GPATCH2: variants seen among roughly 807,000 people sequenced by gnomAD.
GPATCH2 encodes the protein G-patch domain containing 2, also known as G patch domain-containing protein 2.
In GPATCH2, 51 loss-of-function variants were observed where a neutral mutation model predicts 58.0. That is an observed-to-expected ratio of 0.88 (90% confidence interval 0.70 to 1.11). The LOEUF (loss-of-function observed/expected upper bound fraction) is 1.11. Ranked by LOEUF, GPATCH2 falls within the 50% of genes most tolerant of loss-of-function variation. The pLI, the probability that GPATCH2 is intolerant of heterozygous loss-of-function variation, is 0.00. For missense variants in GPATCH2, 625 were observed against 652.2 expected (o/e 0.96, Z 0.45); for synonymous variants, 222 against 218.5 (o/e 1.02, Z -0.14).
intron 1 of GPATCH2, among the ~76,000 whole-genome samples, chr1:217,626,708 G>A (rs189286927): frequency 6.6e-6 from 1 of 152,214 alleles, no homozygotes; most frequent in African/African-American, 2.4e-5. Context: ...AAGAGACTAT[G>A]TCTTCAATTT....
Position 217,619,901 on chromosome 1 carries a change from G to A in GPATCH2, c.655C>T (p.Gln219Ter). The A allele has an allele frequency of 6.2e-7, 1 of 1,613,604 alleles. No individual in the cohort carries two copies. The highest frequency in any genetic ancestry group is 8.5e-7 in the Non-Finnish European group (1 of 1,179,702). Residue 219 changes from glutamine to a stop codon, truncating the protein, a stop_gained, in exon 2 of 10, where the codon CAA (glutamine) becomes TAA (stop). Coordinates refer to ENST00000366935, the MANE Select transcript of GPATCH2 (RefSeq NM_018040.5). LOFTEE classifies it high-confidence loss of function. The part of the protein sequence containing the change: ...VKKRKLKIIR[Q>*]GPKIQDEGVV... The stretch of plus-strand genomic sequence containing the variant: ...CCTTCATCTTGGATTTTTGGTCCTT[G>A]TCTGATTATTTTCAACTTTCTTTTT...
chr1:217,608,758 A>C (rs1668481143), intron 5 of GPATCH2: 2 of 982,498 alleles, frequency 2.0e-6, no homozygotes, highest in South Asian at 9.4e-5. Context: ...TCAGAAAAAA[A>C]ACATGAATTT....
At chr1:217,548,145 A>T (rs1665158006) in intron 5 of GPATCH2, among the ~76,000 whole-genome samples, 2 of 152,202 alleles carry the variant, frequency 1.3e-5, no homozygotes, top group African/African-American at 2.4e-5. Context: ...ACGGACTAAT[A>T]CGCTAATATA....
intron 5 of GPATCH2, among the ~76,000 whole-genome samples, chr1:217,594,404 T>C (rs1458286911): frequency 6.6e-6 from 1 of 152,114 alleles, no homozygotes; most frequent in Admixed American, 6.5e-5. Flanking sequence ...CAAAATCAAA[T>C]TCCAACTTTT....
chr1:217,622,566 C>T (rs58479909), intron 1 of GPATCH2, among the ~76,000 whole-genome samples: 5,450 of 152,204 alleles, frequency 0.036, 323 homozygotes, highest in African/African-American at 0.12. Context: ...TTGTTTGAGA[C>T]GGAGTCTCGC....
chr1:217,450,059 T>G (rs890159738), intron 8 of GPATCH2, among the ~76,000 whole-genome samples: 1 of 152,090 alleles, frequency 6.6e-6, no homozygotes, highest in South Asian at 2.1e-4. Context: ...TGAAAAGTTA[T>G]ATAAAAAAAT....
Position 217,620,329 on chromosome 1 carries a change from T to C in GPATCH2, c.227A>G (p.Tyr76Cys), listed in dbSNP as rs1295826293. 2 of 1,614,108 alleles carry C rather than the reference T, an allele frequency of 1.2e-6. No individual in the cohort carries two copies. Among genetic ancestry groups the C allele is most frequent in the African/African-American group, 1.3e-5 (1 of 75,036 alleles). ...AGTCTCCCACGGGTGATGCACATTA[T>C]ACGACCTCCGTTTTCTCCCTCTCCT... is the stretch of plus-strand genomic sequence containing the variant. ...RKRRGRKRRS[Y>C]NVHHPWETGH... Residue 76 changes from tyrosine to cysteine, a missense_variant, in exon 2 of 10, where the codon TAT becomes TGT. Transcript: ENST00000366935.
chr1:217,518,152 AATTG>A (rs1663265449), intron 5 of GPATCH2, among the ~76,000 whole-genome samples: 1 of 152,176 alleles, frequency 6.6e-6, no homozygotes, highest in Non-Finnish European at 1.5e-5. Flanking sequence ...GTTAGAAAGG[AATTG>A]ATGCTTTCTA....
At chr1:217,577,975 A>G (rs1360132028) in intron 5 of GPATCH2, among the ~76,000 whole-genome samples, 1 of 151,006 alleles carries the variant, frequency 6.6e-6, no homozygotes, top group Non-Finnish European at 1.5e-5. Flanking sequence ...TCGAACTCCC[A>G]ACCTCAGGTG....
intron 2 of GPATCH2, among the ~76,000 whole-genome samples, chr1:217,618,201 T>C (rs2102833894): frequency 6.6e-6 from 1 of 151,294 alleles, no homozygotes; most frequent in Middle Eastern, 3.4e-3. Flanking sequence ...TACCATAAAC[T>C]TTTCAAAGCC....
At chr1:217,549,353 A>G (rs1340741996) in intron 5 of GPATCH2, among the ~76,000 whole-genome samples, 1 of 152,192 alleles carries the variant, frequency 6.6e-6, no homozygotes, top group Admixed American at 6.5e-5. Flanking sequence ...TATATCTGTT[A>G]TGTCAGGATT....
chr1:217,457,766 T>A (rs1174319315), intron 8 of GPATCH2, among the ~76,000 whole-genome samples: 1 of 152,210 alleles, frequency 6.6e-6, no homozygotes, highest in Non-Finnish European at 1.5e-5. Flanking sequence ...TGTCCATTTC[T>A]GCTTGCTTTA....
rs571786543 is a variant in GPATCH2 at position 217,466,861 on chromosome 1, G to A, written c.1278-17524C>T. Among the ~76,000 whole-genome samples, 7 of 131,024 alleles carry A rather than the reference G, an allele frequency of 5.3e-5. No individual in the cohort carries two copies. In the East Asian group the frequency reaches 1.4e-3, roughly 25 times the overall value. 86.0% of individuals were successfully genotyped at this position (131,024 alleles called of 152,430 possible). Reference sequence around the variant, plus strand: ...GAGATGTTTGCTTCTCTTAAAAACAGGGAAACAAAAGCCAATGAAAGGATA... The same window carrying A: ...GAGATGTTTGCTTCTCTTAAAAACAAGGAAACAAAAGCCAATGAAAGGATA... On this transcript the variant is annotated intron_variant, in intron 8 of 9. Coordinates refer to ENST00000366935, the MANE Select transcript of GPATCH2 (RefSeq NM_018040.5).
chr1:217,436,084 C>T (rs12118057), intron 9 of GPATCH2, among the ~76,000 whole-genome samples: 44,781 of 151,452 alleles, frequency 0.3, 6,847 homozygotes, highest in Middle Eastern at 0.45. Context: ...TGATCTGTTA[C>T]TGACATGTTT....
chr1:217,527,227 G>T (rs929311795), intron 5 of GPATCH2, among the ~76,000 whole-genome samples: 2 of 152,084 alleles, frequency 1.3e-5, no homozygotes, highest in Non-Finnish European at 2.9e-5. Context: ...CCTACCCCCA[G>T]TCTGTGGAAA....
intron 8 of GPATCH2, among the ~76,000 whole-genome samples, chr1:217,489,358 A>G (rs1011010197): frequency 2.0e-5 from 3 of 152,122 alleles, no homozygotes; most frequent in African/African-American, 7.3e-5. Flanking sequence ...TATTTTACCA[A>G]TGAATACTTA....
intron 5 of GPATCH2, among the ~76,000 whole-genome samples, chr1:217,603,991 A>G (rs1668237156): frequency 6.6e-6 from 1 of 152,104 alleles, no homozygotes; most frequent in Non-Finnish European, 1.5e-5. Flanking sequence ...ATTTATTATA[A>G]TTCTATTAAG....
At chr1:217,598,938 T>C (rs1388874799) in intron 5 of GPATCH2, among the ~76,000 whole-genome samples, 1 of 152,076 alleles carries the variant, frequency 6.6e-6, no homozygotes, top group Non-Finnish European at 1.5e-5. Flanking sequence ...ACAGAAGATA[T>C]AATGCCATTT....
intron 5 of GPATCH2, among the ~76,000 whole-genome samples, chr1:217,585,909 G>A (rs951455524): frequency 1.3e-5 from 2 of 152,142 alleles, no homozygotes; most frequent in Non-Finnish European, 2.9e-5. Context: ...TCTACAGCAT[G>A]TTACTGTATT....
Sources: allele counts gnomAD v4.1 joint callset (sites outside exome capture counted in the v4.1 genomes callset), GRCh38; gene constraint gnomAD v4.1.1; transcripts MANE v1.5; gene names NCBI Gene and HGNC (gene_info 2026-07-23, HGNC 2026-07-21).